The following CDH13 variants were observed in gnomAD, a reference collection of about 807,000 sequenced individuals.
The protein encoded by CDH13 is cadherin 13.
In CDH13, 24 loss-of-function variants were observed where a neutral mutation model predicts 63.8. That is an observed-to-expected ratio of 0.38 (90% CI 0.27 to 0.53). The LOEUF (loss-of-function observed/expected upper bound fraction) is 0.53, where lower values mean the gene tolerates loss of function less well. Ranked by LOEUF, CDH13 falls within the 20% of genes least tolerant of loss-of-function variation. CDH13 has a pLI of 0.85. For missense variants in CDH13, 1,049 were observed against 903.1 expected (o/e 1.16, Z -2.07); for synonymous variants, 503 against 355.3 (o/e 1.42, Z -4.67).
rs1208259089 is a variant in CDH13, at chr16:82,892,662, G to T, written c.157+34189G>T. ...AAGAAGTATAACAAAACCACTGCAA[G>T]TTGTTCTGTCATTTAGCATTTAATT... On this transcript the variant is annotated intron_variant, in intron 2 of 13. Coordinates refer to ENST00000567109, the MANE Select transcript of CDH13 (RefSeq NM_001257.5). Among the ~76,000 whole-genome samples the T allele has an allele frequency of 3.3e-5, 5 of 152,290 alleles. No homozygotes were observed. In the East Asian group the frequency reaches 9.6e-4, roughly 29 times the overall value.
intron 4 of CDH13, among the ~76,000 whole-genome samples, chr16:83,198,488 G>C (rs567226388): frequency 1.3e-5 from 2 of 151,206 alleles, no homozygotes; most frequent in Admixed American, 6.6e-5. Flanking sequence ...TGGATGTCTT[G>C]TTGTGCTTTC....
chr16:82,698,980 G>T (rs112242116), intron 1 of CDH13, among the ~76,000 whole-genome samples: 3,956 of 152,062 alleles, frequency 0.026, 71 homozygotes, highest in Middle Eastern at 0.051. Flanking sequence ...TTAGCTTCCA[G>T]GCTGTATAAA....
In CDH13 at chr16:83,719,437, C is replaced by T. The variant is rs1026347633; in HGVS notation, c.1539-28671C>T. On this transcript the variant is annotated intron_variant, in intron 10 of 13. Coordinates refer to ENST00000567109, the MANE Select transcript of CDH13 (RefSeq NM_001257.5). The stretch of plus-strand genomic sequence containing the variant: ...CGCCACACTCCACGTCACTCACCCA[C>T]GGCCCTCTCAGTAAACGGTGGACAC... Among the ~76,000 whole-genome samples, 4 of 149,704 alleles carry T rather than the reference C, an allele frequency of 2.7e-5. No individual in the cohort carries two copies. The Admixed American group carries it at 2.7e-4, about 10-fold the overall frequency.
chr16:82,854,621 G>A (rs534800087), intron 1 of CDH13, among the ~76,000 whole-genome samples: 1 of 152,216 alleles, frequency 6.6e-6, no homozygotes, highest in African/African-American at 2.4e-5. Context: ...TGGTTTAAAA[G>A]ATGAGTCTGC....
chr16:83,765,565 AAG>A lies in CDH13; in HGVS notation c.1682-14383_1682-14382del, dbSNP rs34269880. Among the ~76,000 whole-genome samples, 1,480 of 149,038 alleles carry A rather than the reference AAG, an allele frequency of 9.9e-3. 6 individuals are homozygous for A. The highest frequency in any genetic ancestry group is 0.017 in the Non-Finnish European group (1,112 of 67,142). On this transcript the variant is annotated intron_variant, in intron 11 of 13. Coordinates refer to ENST00000567109, the MANE Select transcript of CDH13 (RefSeq NM_001257.5). ...ATATATATATATATACACACACACA[AAG>A]AGAGAGAGAGAGAGAGAGATTTCTG... is the stretch of plus-strand genomic sequence containing the variant.
In CDH13 at chr16:83,174,898, G is replaced by T. The variant is rs753320856; in HGVS notation, c.484-42447G>T. Among the ~76,000 whole-genome samples, 5 of 152,186 alleles carry T rather than the reference G, an allele frequency of 3.3e-5. No homozygotes were observed. In the South Asian group the frequency reaches 6.2e-4, roughly 19 times the overall value. ...AAACACTTTTAAACCATCAGATGTT[G>T]TGTGAACTCACTCACTATCATGAGA... On this transcript the variant is annotated intron_variant, in intron 4 of 13. Coordinates refer to ENST00000567109, the MANE Select transcript of CDH13 (RefSeq NM_001257.5).
intron 6 of CDH13, among the ~76,000 whole-genome samples, chr16:83,353,678 T>C (rs1210610696): frequency 6.6e-6 from 1 of 152,248 alleles, no homozygotes; most frequent in Non-Finnish European, 1.5e-5. Flanking sequence ...CCCCATTGTT[T>C]CCTGAAACAC....
chr16:83,697,089 C>G (rs1905507880), intron 10 of CDH13, among the ~76,000 whole-genome samples: 1 of 152,158 alleles, frequency 6.6e-6, no homozygotes, highest in African/African-American at 2.4e-5. Flanking sequence ...CCAGTCGATC[C>G]TTATTATTCA....
At chr16:83,410,870 C>A (rs574792698) in intron 6 of CDH13, among the ~76,000 whole-genome samples, 1 of 152,166 alleles carries the variant, frequency 6.6e-6, no homozygotes, top group African/African-American at 2.4e-5. Flanking sequence ...CAAATCACCA[C>A]GACAATAAGC....
chr16:83,183,928 A>G (rs1242546817), intron 4 of CDH13, among the ~76,000 whole-genome samples: 1 of 152,100 alleles, frequency 6.6e-6, no homozygotes, highest in East Asian at 1.9e-4. Flanking sequence ...CCTTTTCATC[A>G]CCACCCCAAT....
intron 2 of CDH13, among the ~76,000 whole-genome samples, chr16:82,878,733 G>T (rs1197063909): frequency 6.6e-6 from 1 of 151,466 alleles, no homozygotes; most frequent in Admixed American, 6.6e-5. Flanking sequence ...TCTCCAGGAG[G>T]TTATTGAGAA....
intron 2 of CDH13, among the ~76,000 whole-genome samples, chr16:82,875,177 G>A (rs2040463603): frequency 6.6e-6 from 1 of 152,164 alleles, no homozygotes; most frequent in Non-Finnish European, 1.5e-5. Flanking sequence ...TATGACAAAA[G>A]TTGCCTGCTT....
At chr16:83,173,504 C>T (rs1312369727) in intron 4 of CDH13, among the ~76,000 whole-genome samples, 4 of 151,894 alleles carry the variant, frequency 2.6e-5, no homozygotes, top group Non-Finnish European at 4.4e-5. Context: ...ATAGACTTGC[C>T]AGACAAAATA....
intron 8 of CDH13, among the ~76,000 whole-genome samples, chr16:83,635,224 C>T (rs1292312557): frequency 4.6e-5 from 7 of 151,884 alleles, no homozygotes; most frequent in African/African-American, 9.7e-5. Context: ...GCTTATTTGC[C>T]GTCAGTGTTC....
chr16:82,783,084 T>A (rs945083334), intron 1 of CDH13, among the ~76,000 whole-genome samples: 4 of 152,216 alleles, frequency 2.6e-5, no homozygotes, highest in African/African-American at 9.6e-5. Context: ...ACAACAGGTG[T>A]GGCTCAATGT....
intron 3 of CDH13, among the ~76,000 whole-genome samples, chr16:83,085,244 C>A (rs1485725301): frequency 6.6e-6 from 1 of 151,994 alleles, no homozygotes; most frequent in Non-Finnish European, 1.5e-5. Flanking sequence ...AAAGCAGAAA[C>A]CCCTGATAAA....
chr16:83,401,907 G>A lies in CDH13; in HGVS notation c.781+56901G>A, dbSNP rs79555551. ...ATTTTAATCTGCACTGAATATATTC[G>A]TTTCAGTCTCATATTCATCTGGAGA... On this transcript the variant is annotated intron_variant, in intron 6 of 13. Transcript: ENST00000567109. Among the ~76,000 whole-genome samples the A allele has an allele frequency of 1.2e-3, 176 of 152,184 alleles. 1 individual carries two copies. Among genetic ancestry groups the A allele is most frequent in the South Asian group, 2.5e-3 (12 of 4,808 alleles).
At chr16:83,069,991 G>A (rs973556354) in intron 3 of CDH13, among the ~76,000 whole-genome samples, 2 of 151,644 alleles carry the variant, frequency 1.3e-5, no homozygotes, top group South Asian at 4.2e-4. Flanking sequence ...TGGGCCAATG[G>A]CACTTTAAAA....
intron 4 of CDH13, among the ~76,000 whole-genome samples, chr16:83,198,469 CTG>C (rs371506723): frequency 6.0e-4 from 92 of 152,246 alleles, no homozygotes; most frequent in African/African-American, 2.1e-3. Context: ...GCTGGGAAGA[CTG>C]TAAAGTTGGA....
Sources: allele counts gnomAD v4.1 joint callset (sites outside exome capture counted in the v4.1 genomes callset), GRCh38; gene constraint gnomAD v4.1.1; transcripts MANE v1.5; gene names NCBI Gene and HGNC (gene_info 2026-07-23, HGNC 2026-07-21).